Variants in CFTR observed in about 807,000 individuals in gnomAD.
CFTR encodes the protein CF transmembrane conductance regulator.
A neutral mutation model predicts 171.6 loss-of-function variants in CFTR; 181 were observed. That is an observed-to-expected ratio of 1.05 (90% CI 0.93 to 1.19). The LOEUF (loss-of-function observed/expected upper bound fraction) is 1.19. Among genes scored for constraint, CFTR ranks in the 50% most tolerant of loss-of-function variants. The pLI is 0.00. For missense variants in CFTR, 1,968 were observed against 1,734.7 expected (o/e 1.13, Z -2.39); for synonymous variants, 583 against 608.0 (o/e 0.96, Z 0.60).
rs1045744822 is a variant in CFTR, at chr7:117,667,318, A to G, written c.*210A>G. ...TAAATGGCTTCCTGGCAATAGTCAA[A>G]TTGTGTGAAAGGTACTTCAAATCCT... On this transcript the variant is annotated 3_prime_UTR_variant, in exon 27 of 27. Coordinates refer to ENST00000003084, the MANE Select transcript of CFTR (RefSeq NM_000492.4). 1.8e-6 allele frequency: 1 copy of G among 566,364 alleles called. No homozygotes were observed. Among genetic ancestry groups the G allele is most frequent in the Non-Finnish European group, 3.2e-6 (1 of 313,478 alleles). 35.1% of individuals were successfully genotyped at this position (566,364 alleles called of 1,614,324 possible).
chr7:117,648,738 G>A (rs1287201052), intron 23 of CFTR, among the ~76,000 whole-genome samples: 2 of 152,078 alleles, frequency 1.3e-5, no homozygotes, highest in Non-Finnish European at 2.9e-5. Context: ...TTCAAATTTG[G>A]AGATGAGTTT....
At chr7:117,518,926 ATT>A (rs959822996) in intron 3 of CFTR, among the ~76,000 whole-genome samples, 2 of 152,174 alleles carry the variant, frequency 1.3e-5, no homozygotes, top group African/African-American at 4.8e-5. Context: ...TAAAATTAAT[ATT>A]TTAACACATC....
At chr7:117,640,327 G>C (rs910083422) in intron 22 of CFTR, among the ~76,000 whole-genome samples, 1 of 152,128 alleles carries the variant, frequency 6.6e-6, no homozygotes, top group African/African-American at 2.4e-5. Context: ...GCAGTTCAAT[G>C]ATATAAGGAA....
intron 3 of CFTR, among the ~76,000 whole-genome samples, chr7:117,530,486 G>T (rs993640166): frequency 6.6e-6 from 1 of 152,000 alleles, no homozygotes; most frequent in Non-Finnish European, 1.5e-5. Flanking sequence ...TGCCTACTCT[G>T]TAGCAAAGAA....
intron 11 of CFTR, 114 bp from the exon 12 acceptor site, chr7:117,587,625 A>G: frequency 1.5e-6 from 1 of 671,742 alleles, no homozygotes. Flanking sequence ...CAAAATTTCA[A>G]CTGTGGTTAA....
At position 117,557,973 on chromosome 7, in the gene CFTR, CAT is replaced by C. The variant is rs556236192; in HGVS notation, c.1393-1489_1393-1488del. 1.5e-3 allele frequency among the ~76,000 whole-genome samples: 234 copies of C among 152,050 alleles called. 1 individual carries two copies. Among genetic ancestry groups the C allele is most frequent in the Non-Finnish European group, 2.6e-3 (180 of 67,984 alleles). On this transcript the variant is annotated intron_variant, in intron 10 of 26. Coordinates refer to ENST00000003084, the MANE Select transcript of CFTR (RefSeq NM_000492.4). ...AATAATTGTGGTGAAATGTACATAACATAAAATTTATCATTTTGACCATTTTT... is the reference window on the plus strand; with the variant it reads ...AATAATTGTGGTGAAATGTACATAACAAAATTTATCATTTTGACCATTTTT...
chr7:117,556,850 T>G (rs895997295), intron 10 of CFTR, among the ~76,000 whole-genome samples: 3 of 152,138 alleles, frequency 2.0e-5, no homozygotes, highest in Non-Finnish European at 4.4e-5. Flanking sequence ...TTTTTGCAAC[T>G]CCTTTATTGA....
At chr7:117,517,809 G>A (rs1343465478) in intron 3 of CFTR, among the ~76,000 whole-genome samples, 2 of 146,732 alleles carry the variant, frequency 1.4e-5, no homozygotes, top group African/African-American at 2.5e-5. Flanking sequence ...AATGACTAGT[G>A]ATGATGAGCT....
intron 21 of CFTR, among the ~76,000 whole-genome samples, chr7:117,625,289 A>G (rs746624533): frequency 6.6e-6 from 1 of 152,172 alleles, no homozygotes; most frequent in Non-Finnish European, 1.5e-5. Flanking sequence ...GGAAAGTTAC[A>G]TTTTCTAAAT....
intron 16 of CFTR, 90 bp from the exon 17 acceptor site, chr7:117,603,442 T>C (rs1792254711): frequency 6.9e-7 from 1 of 1,444,896 alleles, no homozygotes. Context: ...ATTGTATTTA[T>C]TTAGACTCAA....
chr7:117,499,355 A>G (rs1301726524), intron 1 of CFTR, among the ~76,000 whole-genome samples: 2 of 151,578 alleles, frequency 1.3e-5, no homozygotes, highest in Admixed American at 1.3e-4. Flanking sequence ...TTCTTTTTTT[A>G]TAAGGAATTA....
At position 117,646,128 on chromosome 7, in the gene CFTR, T is replaced by C. The variant is rs1000558797; in HGVS notation, c.3873+3535T>C. Among the ~76,000 whole-genome samples the C allele has an allele frequency of 3.3e-5, 5 of 152,198 alleles. 1 individual carries two copies. The highest frequency in any genetic ancestry group is 1.2e-4 in the African/African-American group (5 of 41,448). ...TTCTCTGTGCCTCTGTTTTCTTGTC[T>C]GTAAAATGAGTATAATGGTAGTAAC... On this transcript the variant is annotated intron_variant, in intron 23 of 26. Transcript: ENST00000003084.
intron 3 of CFTR, among the ~76,000 whole-genome samples, chr7:117,518,236 A>T (rs1798626079): frequency 6.7e-6 from 1 of 149,754 alleles, no homozygotes; most frequent in Non-Finnish European, 1.5e-5. Flanking sequence ...GAAGGAATAT[A>T]TATATAAAAC....
chr7:117,531,033 G>C lies in CFTR; in HGVS notation c.408G>C (p.Leu136=). The C allele has an allele frequency of 6.2e-7, 1 of 1,613,812 alleles. No individual in the cohort carries two copies. The highest frequency in any genetic ancestry group is 1.3e-5 in the African/African-American group (1 of 75,046). Residue 136 remains leucine, a synonymous_variant, in exon 4 of 27, where the codon CTG becomes CTC. Transcript: ENST00000003084. ...GCCTTCTCTTTATTGTGAGGACACT[G>C]CTCCTACACCCAGCCATTTTTGGCC... ...GLCLLFIVRT[L]LLHPAIFGLH...
chr7:117,664,798 A>T lies in CFTR; in HGVS notation c.4074A>T (p.Arg1358Ser). The change falls in exon 25 of 27, where the codon AGA becomes AGT. Residue 1358 changes from arginine to serine, a missense_variant. Physicochemically the swap from Arg to Ser is moderately radical, Grantham distance 110. Coordinates refer to ENST00000003084, the MANE Select transcript of CFTR (RefSeq NM_000492.4). ...HGHKQLMCLA[R>S]SVLSKAKILL... The stretch of plus-strand genomic sequence containing the variant: ...ACAAGCAGTTGATGTGCTTGGCTAG[A>T]TCTGTTCTCAGTAAGGCGAAGATCT... 6.2e-7 allele frequency: 1 copy of T among 1,614,044 alleles called. No homozygotes were observed. The highest frequency in any genetic ancestry group is 8.5e-7 in the Non-Finnish European group (1 of 1,179,936).
chr7:117,656,533 A>G (rs898468703), intron 24 of CFTR, among the ~76,000 whole-genome samples: 5 of 152,196 alleles, frequency 3.3e-5, no homozygotes, highest in African/African-American at 1.2e-4. Flanking sequence ...CAGGTGGTTC[A>G]TTATACTTGA....
intron 21 of CFTR, among the ~76,000 whole-genome samples, chr7:117,615,451 T>C (rs1792471503): frequency 6.6e-6 from 1 of 151,988 alleles, no homozygotes. Context: ...TTATATTGGG[T>C]TCTCAAATTT....
In CFTR at chr7:117,667,480, T is replaced by TG; in HGVS notation, c.*372_*373insG. 2.9e-6 allele frequency: 1 copy of TG among 342,284 alleles called. No homozygotes were observed. The highest frequency in any genetic ancestry group is 5.7e-6 in the Non-Finnish European group (1 of 175,440). 21.2% of individuals were successfully genotyped at this position (342,284 alleles called of 1,614,324 possible). ...TTGTCTAGTGAAACTCGTTAATTTG[T>TG]AGTGTTGGAGAAGAACTGAAATCAT... is the stretch of plus-strand genomic sequence containing the variant. On this transcript the variant is annotated 3_prime_UTR_variant, in exon 27 of 27. Transcript: ENST00000003084.
intron 16 of CFTR, 98 bp from the exon 17 acceptor site, chr7:117,603,434 T>C: frequency 6.6e-6 from 9 of 1,363,320 alleles, no homozygotes; most frequent in Non-Finnish European, 9.3e-6. Context: ...TGCAAAATAT[T>C]GTATTTATTT....
Sources: gnomAD v4.1 joint callset for allele counts (sites outside exome capture counted in the v4.1 genomes callset) on GRCh38, gnomAD v4.1.1 for gene constraint, MANE v1.5 for transcripts, NCBI Gene and HGNC (gene_info 2026-07-23, HGNC 2026-07-21) for gene names.